Variants in NKAIN2 observed in about 807,000 individuals in gnomAD.
NKAIN2 encodes the protein sodium/potassium-transporting ATPase subunit beta-1-interacting protein 2.
In NKAIN2, 14 loss-of-function variants were observed where a neutral mutation model predicts 32.6. The observed-to-expected ratio is 0.43, with a 90% confidence interval of 0.28 to 0.67. NKAIN2 has a LOEUF of 0.67. Ranked by LOEUF, NKAIN2 falls within the 30% of genes least tolerant of loss-of-function variation. The pLI, the probability that NKAIN2 is intolerant of heterozygous loss-of-function variation, is 0.17. For missense variants in NKAIN2, 198 were observed against 258.3 expected (o/e 0.77, Z 1.60); for synonymous variants, 80 against 87.2 (o/e 0.92, Z 0.46).
intron 4 of NKAIN2, among the ~76,000 whole-genome samples, chr6:124,673,911 G>T (rs866814380): frequency 8.6e-5 from 13 of 151,590 alleles, no homozygotes; most frequent in Non-Finnish European, 1.6e-4. Flanking sequence ...ATTTTTTGTG[G>T]TTGCTTGTGC....
chr6:124,722,077 T>C (rs1454616498), intron 4 of NKAIN2, among the ~76,000 whole-genome samples: 2 of 152,188 alleles, frequency 1.3e-5, no homozygotes, highest in African/African-American at 2.4e-5. Flanking sequence ...AGACAGTACT[T>C]ATCTTTTTGT....
intron 5 of NKAIN2, among the ~76,000 whole-genome samples, chr6:124,808,781 A>G (rs1295795463): frequency 6.6e-6 from 1 of 152,240 alleles, no homozygotes; most frequent in Non-Finnish European, 1.5e-5. Context: ...CAACTTCAGC[A>G]AAGTCTCAGG....
intron 1 of NKAIN2, among the ~76,000 whole-genome samples, chr6:124,122,215 ATTCGTCTGCTT>A (rs1297228706): frequency 6.6e-6 from 1 of 152,110 alleles, no homozygotes; most frequent in Middle Eastern, 3.2e-3. Flanking sequence ...TGAACTGTCC[ATTCGTCTGCTT>A]TACATGTTTT....
At chr6:124,355,979 G>T (rs1362621486) in intron 3 of NKAIN2, among the ~76,000 whole-genome samples, 4 of 152,106 alleles carry the variant, frequency 2.6e-5, no homozygotes, top group Non-Finnish European at 2.9e-5. Context: ...CCTTCTGTTA[G>T]AATGCAATTA....
chr6:124,122,860 A>AAAC (rs1175637395), intron 1 of NKAIN2, among the ~76,000 whole-genome samples: 23 of 152,060 alleles, frequency 1.5e-4, no homozygotes, highest in East Asian at 3.9e-4. Flanking sequence ...TCATGTTAAA[A>AAAC]AACAACAACA....
chr6:123,915,288 A>G (rs973112303), intron 1 of NKAIN2, among the ~76,000 whole-genome samples: 2 of 151,984 alleles, frequency 1.3e-5, no homozygotes, highest in African/African-American at 4.8e-5. Flanking sequence ...TTTATTTTGG[A>G]TATTTTTCCA....
intron 1 of NKAIN2, among the ~76,000 whole-genome samples, chr6:124,064,748 T>G (rs1783086203): frequency 6.7e-6 from 1 of 150,198 alleles, no homozygotes. Context: ...CACTAACAGC[T>G]TGCAACAGTT....
At chr6:124,654,337 G>A (rs1784465054) in intron 3 of NKAIN2, among the ~76,000 whole-genome samples, 1 of 151,872 alleles carries the variant, frequency 6.6e-6, no homozygotes, top group South Asian at 2.1e-4. Context: ...AATATAGAAA[G>A]CATATAAATA....
At chr6:124,644,126 A>C (rs531207909) in intron 3 of NKAIN2, among the ~76,000 whole-genome samples, 52 of 152,318 alleles carry the variant, frequency 3.4e-4, no homozygotes, top group African/African-American at 1.2e-3. Flanking sequence ...AACAGCTTTC[A>C]TGTAACACAT....
chr6:124,593,220 T>TGA (rs1781973674), intron 3 of NKAIN2, among the ~76,000 whole-genome samples: 1 of 151,854 alleles, frequency 6.6e-6, no homozygotes, highest in Admixed American at 6.6e-5. Flanking sequence ...TGTGTGTGTG[T>TGA]GTGTGTTTGT....
chr6:124,129,550 A>T (rs999604417), intron 1 of NKAIN2, among the ~76,000 whole-genome samples: 3 of 152,058 alleles, frequency 2.0e-5, no homozygotes, highest in African/African-American at 7.2e-5. Context: ...AGAGTTTGCT[A>T]CTCCAGAATT....
At chr6:124,286,683 T>TGTGTGTGTGTGCGCGCGC (rs1562471884) in intron 2 of NKAIN2, among the ~76,000 whole-genome samples, 1 of 89,428 alleles carries the variant, frequency 1.1e-5, no homozygotes, top group Non-Finnish European at 1.9e-5. Context: ...TGCGCGCGCG[T>TGTGTGTGTGTGCGCGCGC]GTGTGTGTGT....
chr6:123,992,152 C>T (rs1413372167), intron 1 of NKAIN2, among the ~76,000 whole-genome samples: 1 of 151,986 alleles, frequency 6.6e-6, no homozygotes, highest in Non-Finnish European at 1.5e-5. Flanking sequence ...TAGTAGGGAA[C>T]CATTTGCTTT....
chr6:124,007,311 T>G lies in NKAIN2; in HGVS notation c.54+203057T>G, dbSNP rs546330477. On this transcript the variant is annotated intron_variant, in intron 1 of 6. Transcript: ENST00000368417. Reference sequence around the variant, plus strand: ...TATGTGGCACATAACTGTAGTTAGATTCTTCTGATACATTTCTCTAGCCTC... The same window carrying G: ...TATGTGGCACATAACTGTAGTTAGAGTCTTCTGATACATTTCTCTAGCCTC... Among the ~76,000 whole-genome samples the G allele has an allele frequency of 2.0e-5, 3 of 152,316 alleles. No homozygotes were observed. In the East Asian group the frequency reaches 5.8e-4, roughly 29 times the overall value.
chr6:124,277,475 G>GTGTGTGTT (rs1446956691), intron 1 of NKAIN2, among the ~76,000 whole-genome samples: 1 of 151,648 alleles, frequency 6.6e-6, no homozygotes, highest in Non-Finnish European at 1.5e-5. Context: ...GTGTGTGTGT[G>GTGTGTGTT]TCTGTGTAAG....
At chr6:124,457,486 C>T (rs898106545) in intron 3 of NKAIN2, among the ~76,000 whole-genome samples, 52 of 152,014 alleles carry the variant, frequency 3.4e-4, no homozygotes, top group African/African-American at 1.3e-3. Flanking sequence ...ACTTCTCTAA[C>T]CACATATCCT....
chr6:124,803,982 T>C (rs4896547), intron 5 of NKAIN2, among the ~76,000 whole-genome samples: 60,979 of 151,990 alleles, frequency 0.4, 13,347 homozygotes, highest in East Asian at 0.61. Context: ...CCTTCGAAGC[T>C]GAAATTGCTT....
At chr6:123,955,497 C>T (rs1464680102) in intron 1 of NKAIN2, among the ~76,000 whole-genome samples, 8 of 152,092 alleles carry the variant, frequency 5.3e-5, no homozygotes, top group African/African-American at 1.9e-4. Flanking sequence ...GTTACTAAAA[C>T]AATTAGGTAC....
chr6:124,770,719 T>C (rs1463190305), intron 4 of NKAIN2, among the ~76,000 whole-genome samples: 2 of 152,176 alleles, frequency 1.3e-5, no homozygotes, highest in African/African-American at 4.8e-5. Flanking sequence ...ATGATCTGAC[T>C]GTTTTAAGTG....
Sources: gnomAD v4.1 joint callset for allele counts (sites outside exome capture counted in the v4.1 genomes callset) on GRCh38, gnomAD v4.1.1 for gene constraint, MANE v1.5 for transcripts, NCBI Gene and HGNC (gene_info 2026-07-23, HGNC 2026-07-21) for gene names.